The following PHACTR2 variants were observed in gnomAD, a reference collection of about 807,000 sequenced individuals.
The protein encoded by PHACTR2 is chromosome 6 open reading frame 56.
A neutral mutation model predicts 76.0 loss-of-function variants in PHACTR2; 30 were observed. The ratio of observed to expected loss-of-function variants is 0.39; its 90% CI spans 0.30 to 0.54. The LOEUF is 0.54. Among genes scored for constraint, PHACTR2 ranks in the 20% least tolerant of loss-of-function variants. PHACTR2 has a pLI of 0.61. For synonymous variants in PHACTR2, 292 were observed against 292.5 expected, an observed-to-expected ratio of 1.00 and a Z score of 0.02; for missense variants, 696 against 781.1, an observed-to-expected ratio of 0.89 and a Z score of 1.30.
In PHACTR2 at chr6:143,767,618, T is replaced by C. The variant is rs897195238; in HGVS notation, c.1232+1820T>C. Among the ~76,000 whole-genome samples the C allele has an allele frequency of 6.6e-6, 1 of 152,090 alleles. No individual in the cohort carries two copies. The highest frequency in any genetic ancestry group is 1.5e-5 in the Non-Finnish European group (1 of 68,018). On this transcript the variant is annotated intron_variant, in intron 6 of 12. Coordinates refer to ENST00000440869, the MANE Select transcript of PHACTR2 (RefSeq NM_001100164.2). The surrounding 1 kb of genome is among the most constrained non-coding windows in gnomAD (Gnocchi z 4.4). ...GCTTACAGTCCTAGGGGCTGAGAAG[T>C]CCAAGATCAAGGCAGCAGCATTTGG...
chr6:143,559,690 CTTTTTTTTTTTTTTTTTT>C lies in PHACTR2; in HGVS notation c.217+22502_217+22519del, dbSNP rs5880566. The stretch of plus-strand genomic sequence containing the variant: ...TAAAAATACCAGTGATTTTTCTTTT[CTTTTTTTTTTTTTTTTTT>C]TTTTTTTTTTTTTTTTTTGGAGACA... On this transcript the variant is annotated intron_variant, in intron 1 of 11. Coordinates refer to the PHACTR2 transcript ENST00000367584. 2.5e-4 allele frequency among the ~76,000 whole-genome samples: 8 copies of C among 31,894 alleles called. 1 individual carries two copies. Among genetic ancestry groups the C allele is most frequent in the Admixed American group, 1.2e-3 (2 of 1,652 alleles). The allele number at this position is 31,894 out of a possible 152,430, so 20.9% of individuals were successfully genotyped here. A position where few individuals can be genotyped will look rare whatever the true frequency, so the allele number is the denominator to read the frequency against.
intron 1 of PHACTR2, among the ~76,000 whole-genome samples, chr6:143,699,042 G>A (rs550674845): frequency 3.6e-4 from 54 of 152,088 alleles, no homozygotes; most frequent in Middle Eastern, 3.2e-3. Flanking sequence ...CTCATTTTGC[G>A]TCCAGTCTTG....
rs1228905680 is a variant in PHACTR2, at chr6:143,782,302, A to T, written c.1646-917A>T. 6.6e-6 allele frequency among the ~76,000 whole-genome samples: 1 copy of T among 152,164 alleles called. No individual in the cohort carries two copies. The highest frequency in any genetic ancestry group is 2.4e-5 in the African/African-American group (1 of 41,440). ...TTTTCAACCTTTTGGTCAAGGCTTT[A>T]TATGGTGTTATTTTCCTGCAAAAGA... On this transcript the variant is annotated intron_variant, in intron 9 of 12. Transcript: ENST00000440869. This position sits in a 1 kb window ranked among gnomAD's most constrained non-coding sequence, Gnocchi z 4.6.
intron 1 of PHACTR2, among the ~76,000 whole-genome samples, chr6:143,645,261 C>A (rs887019338): frequency 6.6e-6 from 1 of 151,274 alleles, no homozygotes; most frequent in Admixed American, 6.6e-5. Flanking sequence ...GCCCATCAAT[C>A]AACGAGTGGA....
chr6:143,702,127 CTT>C (rs909954007), intron 1 of PHACTR2, among the ~76,000 whole-genome samples: 11,268 of 105,492 alleles, frequency 0.11, 295 homozygotes, highest in South Asian at 0.21. Context: ...GTCTTCTTTG[CTT>C]TTTTTTTTTT....
At chr6:143,737,094 GTAATA>G (rs1444371111) in intron 2 of PHACTR2, among the ~76,000 whole-genome samples, 1 of 151,446 alleles carries the variant, frequency 6.6e-6, no homozygotes, top group East Asian at 1.9e-4. Flanking sequence ...TATATATAAT[GTAATA>G]TAACATCGTG....
At chr6:143,724,053 C>T (rs1778502797) in intron 2 of PHACTR2, among the ~76,000 whole-genome samples, 1 of 151,904 alleles carries the variant, frequency 6.6e-6, no homozygotes, top group Admixed American at 6.6e-5. Context: ...GCCTCTGCCT[C>T]CCAGGTTCAA....
At chr6:143,740,059 G>C (rs530945517) in intron 2 of PHACTR2, among the ~76,000 whole-genome samples, 1 of 152,150 alleles carries the variant, frequency 6.6e-6, no homozygotes, top group South Asian at 2.1e-4. Flanking sequence ...CTCCATAGAC[G>C]GAGCAGCCCT....
In PHACTR2 at chr6:143,776,739, C is replaced by A. The variant is rs1181000669; in HGVS notation, c.1590-589C>A. ...TCTAAAATAGGATGCTGTGCCTGGC[C>A]AGGTAATCTTAATATTACTGTCACA... On this transcript the variant is annotated intron_variant, in intron 8 of 12. Transcript: ENST00000440869. This position sits in a 1 kb window ranked among gnomAD's most constrained non-coding sequence, Gnocchi z 5.3. Among the ~76,000 whole-genome samples, 1 of 152,176 alleles carries A rather than the reference C, an allele frequency of 6.6e-6. No individual in the cohort carries two copies. Among genetic ancestry groups the A allele is most frequent in the Non-Finnish European group, 1.5e-5 (1 of 68,028 alleles).
At chr6:143,603,352 C>T (rs1775834372), upstream of PHACTR2, among the ~76,000 whole-genome samples, 2 of 150,384 alleles carry the variant, frequency 1.3e-5, no homozygotes, top group Admixed American at 6.6e-5. Context: ...GGATTGGACT[C>T]AACTTTGAAT....
At chr6:143,555,471 A>C (rs1775160401) in intron 1 of PHACTR2, among the ~76,000 whole-genome samples, 1 of 152,206 alleles carries the variant, frequency 6.6e-6, no homozygotes, top group South Asian at 2.1e-4. Context: ...CCTTGGTATT[A>C]ATTCTGAAAC....
intron 11 of PHACTR2, among the ~76,000 whole-genome samples, chr6:143,802,883 G>A (rs914320840): frequency 6.6e-6 from 1 of 152,094 alleles, no homozygotes; most frequent in Non-Finnish European, 1.5e-5. Context: ...TTAAAAATAA[G>A]CATTCTATTT....
Position 143,767,664 on chromosome 6 carries a change from C to A in PHACTR2, c.1232+1866C>A, listed in dbSNP as rs1779589284. On this transcript the variant is annotated intron_variant, in intron 6 of 12. Transcript: ENST00000440869. The surrounding 1 kb of genome is among the most constrained non-coding windows in gnomAD (Gnocchi z 4.4). ...TTTGGCAAGGATCTTCTTTCCATGT[C>A]ATCACATGGTGGAAGGTGGAAGGGC... 6.6e-6 allele frequency among the ~76,000 whole-genome samples: 1 copy of A among 152,118 alleles called. No homozygotes were observed. The highest frequency in any genetic ancestry group is 2.1e-4 in the South Asian group (1 of 4,822).
In PHACTR2 at chr6:143,764,469, C is replaced by T. The variant is rs924831249; in HGVS notation, c.695-792C>T. On this transcript the variant is annotated intron_variant, in intron 5 of 12. Coordinates refer to ENST00000440869, the MANE Select transcript of PHACTR2 (RefSeq NM_001100164.2). The surrounding 1 kb of genome is among the most constrained non-coding windows in gnomAD (Gnocchi z 4.7). ...CCAGGAGGCAGAAGTTATAGTGAGC[C>T]GATATTGCACCACTGCATTCCAGCC... 2.0e-5 allele frequency among the ~76,000 whole-genome samples: 3 copies of T among 150,450 alleles called. No individual in the cohort carries two copies. Among genetic ancestry groups the T allele is most frequent in the African/African-American group, 4.9e-5 (2 of 40,734 alleles).
At chr6:143,674,777 A>G (rs1264635933), upstream of PHACTR2, among the ~76,000 whole-genome samples, 1 of 152,112 alleles carries the variant, frequency 6.6e-6, no homozygotes, top group African/African-American at 2.4e-5. This position sits in a 1 kb window ranked among gnomAD's most constrained non-coding sequence, Gnocchi z 4.9. Flanking sequence ...TCCAGGCTAG[A>G]TTTGGCTGCC....
At chr6:143,802,355 C>T (rs1181054199) in intron 11 of PHACTR2, among the ~76,000 whole-genome samples, 1 of 152,068 alleles carries the variant, frequency 6.6e-6, no homozygotes, top group Non-Finnish European at 1.5e-5. Context: ...AAATCAGTCC[C>T]AGACTGGGTG....
rs62427370 is a variant in PHACTR2 at position 143,627,023 on chromosome 6, A to T, written c.13+18701A>T. On this transcript the variant is annotated intron_variant, in intron 1 of 11. Transcript: ENST00000305766. The surrounding 1 kb of genome is among the most constrained non-coding windows in gnomAD (Gnocchi z 4.3). ...TTTGCCAACTTGGCGCTTCCTGCTC[A>T]GTGTATGTCAATAGATTAGAACTAT... Among the ~76,000 whole-genome samples, 2,252 of 152,350 alleles carry T rather than the reference A, an allele frequency of 0.015. 31 individuals are homozygous for T. Among genetic ancestry groups the T allele is most frequent in the Admixed American group, 0.024 (372 of 15,302 alleles).
chr6:143,758,313 T>C (rs1456741501), intron 4 of PHACTR2, among the ~76,000 whole-genome samples: 2 of 152,228 alleles, frequency 1.3e-5, no homozygotes, highest in Non-Finnish European at 2.9e-5. Context: ...TAAGGTGACA[T>C]GTGTTACAGA....
chr6:143,657,785 C>T (rs1169933838), intron 1 of PHACTR2, among the ~76,000 whole-genome samples: 1 of 152,104 alleles, frequency 6.6e-6, no homozygotes, highest in Admixed American at 6.6e-5. Context: ...TTGATGCTTG[C>T]CCCGTGTTGA....
Sources: allele counts gnomAD v4.1 joint callset (sites outside exome capture counted in the v4.1 genomes callset), GRCh38; gene constraint gnomAD v4.1.1; non-coding constraint Gnocchi (gnomAD v3.1); transcripts MANE v1.5; gene names NCBI Gene and HGNC (gene_info 2026-07-23, HGNC 2026-07-21).